The following RABGAP1L variants were observed in gnomAD, a reference collection of about 807,000 sequenced individuals.
RABGAP1L encodes the protein RAB GTPase activating protein 1 like.
Under a neutral mutation model 137.7 loss-of-function variants are expected in RABGAP1L, and 63 were observed. The observed-to-expected ratio is 0.46, with a 90% confidence interval of 0.37 to 0.56. The LOEUF (loss-of-function observed/expected upper bound fraction) is 0.56. Among genes scored for constraint, RABGAP1L ranks in the 20% least tolerant of loss-of-function variants. RABGAP1L has a pLI of 0.00. For missense variants in RABGAP1L, 1,095 were observed against 1,244.0 expected (o/e 0.88, Z 1.80); for synonymous variants, 431 against 433.7 (o/e 0.99, Z 0.08).
chr1:174,165,082 C>T (rs1249048438), intron 1 of RABGAP1L, among the ~76,000 whole-genome samples: 2 of 152,112 alleles, frequency 1.3e-5, no homozygotes, highest in African/African-American at 4.8e-5. Flanking sequence ...TAATGAAAGG[C>T]AGAAAGTAAT....
intron 13 of RABGAP1L, among the ~76,000 whole-genome samples, chr1:174,400,077 G>T (rs1441198167): frequency 6.6e-6 from 1 of 152,148 alleles, no homozygotes. Context: ...TCTTTCAGGG[G>T]TGGCAAATAT....
intron 13 of RABGAP1L, among the ~76,000 whole-genome samples, chr1:174,520,030 G>A (rs1482041774): frequency 6.6e-6 from 1 of 152,162 alleles, no homozygotes; most frequent in Non-Finnish European, 1.5e-5. Flanking sequence ...TGGCACCAGC[G>A]AAGTATGAAC....
chr1:174,476,511 A>G (rs1428117429), intron 13 of RABGAP1L, among the ~76,000 whole-genome samples: 2 of 152,216 alleles, frequency 1.3e-5, no homozygotes, highest in Non-Finnish European at 2.9e-5. Context: ...TTATTCAGCC[A>G]CTATATGTAA....
At chr1:174,850,577 GTTA>G (rs1446062913) in intron 19 of RABGAP1L, among the ~76,000 whole-genome samples, 1 of 152,122 alleles carries the variant, frequency 6.6e-6, no homozygotes, top group Non-Finnish European at 1.5e-5. Flanking sequence ...TTTGGCTTTT[GTTA>G]TTATGTTTAC....
chr1:174,383,667 C>A (rs951384485), intron 12 of RABGAP1L, among the ~76,000 whole-genome samples: 8 of 152,244 alleles, frequency 5.3e-5, no homozygotes, highest in Admixed American at 4.6e-4. Context: ...GTGCGCGCAC[C>A]CACTGGCCTG....
Position 174,621,151 on chromosome 1 carries a change from A to G in RABGAP1L, c.1711-16224A>G, listed in dbSNP as rs541040121. On this transcript the variant is annotated intron_variant, in intron 13 of 25. Coordinates refer to ENST00000681986, the MANE Select transcript of RABGAP1L (RefSeq NM_001366446.1). ...CCTAGGAATCCAACTTACAAGGGAC[A>G]TGAAGGACCTCTTCAAGGAGAACTA... Among the ~76,000 whole-genome samples the G allele has an allele frequency of 5.0e-4, 76 of 152,206 alleles. 1 individual carries two copies. The highest frequency in any genetic ancestry group is 1.7e-3 in the African/African-American group (69 of 41,552).
chr1:174,900,873 A>G (rs1178457456), intron 19 of RABGAP1L, among the ~76,000 whole-genome samples: 5 of 151,848 alleles, frequency 3.3e-5, no homozygotes, highest in Non-Finnish European at 7.3e-5. Context: ...CCTGGATGAT[A>G]TCCTGAAGGA....
chr1:174,189,619 A>G (rs571675043), intron 1 of RABGAP1L, among the ~76,000 whole-genome samples: 79 of 152,316 alleles, frequency 5.2e-4, no homozygotes, highest in South Asian at 5.2e-3. Context: ...GAATTCATTC[A>G]TGGATTAATG....
intron 19 of RABGAP1L, among the ~76,000 whole-genome samples, chr1:174,876,010 T>G (rs1321864478): frequency 6.6e-6 from 1 of 152,234 alleles, no homozygotes; most frequent in East Asian, 1.9e-4. Context: ...TGCTTTTCCC[T>G]CCTTCCTTGT....
chr1:174,948,383 A>G (rs745683954), intron 19 of RABGAP1L, among the ~76,000 whole-genome samples: 61 of 151,674 alleles, frequency 4.0e-4, no homozygotes, highest in Admixed American at 3.2e-3. Context: ...TTAGCCAGGT[A>G]TGGTGGCGGG....
intron 13 of RABGAP1L, among the ~76,000 whole-genome samples, chr1:174,525,129 C>A (rs1237577496): frequency 1.3e-5 from 2 of 152,006 alleles, no homozygotes; most frequent in Non-Finnish European, 2.9e-5. Flanking sequence ...CATCCTGGCT[C>A]TTTTTTGGTT....
chr1:174,448,875 CTG>C lies in RABGAP1L; in HGVS notation c.1710+54731_1710+54732del, dbSNP rs1392984742. The stretch of plus-strand genomic sequence containing the variant: ...CATGAGGTAGATTCTTCCAGAGAGA[CTG>C]GACACAGCCCTGACCGTCGCTACGC... On this transcript the variant is annotated intron_variant, in intron 13 of 25. Coordinates refer to ENST00000681986, the MANE Select transcript of RABGAP1L (RefSeq NM_001366446.1). The surrounding 1 kb of genome is among the most constrained non-coding windows in gnomAD (Gnocchi z 4.2). 6.2e-7 allele frequency: 1 copy of C among 1,613,792 alleles called. No homozygotes were observed. Among genetic ancestry groups the C allele is most frequent in the Non-Finnish European group, 8.5e-7 (1 of 1,179,684 alleles).
At chr1:174,489,636 C>G (rs1286036420) in intron 13 of RABGAP1L, among the ~76,000 whole-genome samples, 1 of 152,104 alleles carries the variant, frequency 6.6e-6, no homozygotes, top group African/African-American at 2.4e-5. Flanking sequence ...CCTCAAGGAT[C>G]TAGAACTAGA....
At chr1:174,874,554 T>C in intron 19 of RABGAP1L, 3 of 748,750 alleles carry the variant, frequency 4.0e-6, no homozygotes, top group Non-Finnish European at 4.9e-6. Flanking sequence ...GCCCTTGATC[T>C]CAGGTAATTC....
At chr1:174,852,346 A>G (rs937175813) in intron 19 of RABGAP1L, among the ~76,000 whole-genome samples, 16 of 152,228 alleles carry the variant, frequency 1.1e-4, no homozygotes, top group Non-Finnish European at 2.4e-4. Context: ...ATCAAGTGCA[A>G]TAAGACTGTG....
chr1:174,799,929 C>A lies in RABGAP1L; in HGVS notation c.2212-11903C>A, dbSNP rs1328064586. ...ATAGACACGCACACACACCCTTTCT[C>A]GCACACACACACACACACACACACA... On this transcript the variant is annotated intron_variant, in intron 18 of 25. Coordinates refer to ENST00000681986, the MANE Select transcript of RABGAP1L (RefSeq NM_001366446.1). The A allele has an allele frequency of 4.4e-6, 4 of 907,032 alleles. No individual in the cohort carries two copies. In the African/African-American group the frequency reaches 1.1e-4, roughly 25 times the overall value. The allele number at this position is 907,032 out of a possible 1,614,324, so 56.2% of individuals were successfully genotyped here. A position where few individuals can be genotyped will look rare whatever the true frequency, so the allele number is the denominator to read the frequency against.
At chr1:174,769,563 T>C (rs1478947293) in intron 18 of RABGAP1L, among the ~76,000 whole-genome samples, 1 of 152,100 alleles carries the variant, frequency 6.6e-6, no homozygotes, top group African/African-American at 2.4e-5. Context: ...ACAAGGTCGG[T>C]TGAGTTTTGG....
intron 17 of RABGAP1L, among the ~76,000 whole-genome samples, chr1:174,737,504 A>G (rs1219727306): frequency 2.0e-5 from 3 of 152,118 alleles, no homozygotes; most frequent in Non-Finnish European, 2.9e-5. Context: ...CAAGTCTCTA[A>G]GAAGTTCCAA....
At chr1:174,730,928 C>T (rs1682412542) in intron 17 of RABGAP1L, among the ~76,000 whole-genome samples, 1 of 152,030 alleles carries the variant, frequency 6.6e-6, no homozygotes, top group Admixed American at 6.6e-5. Context: ...GACAATACTA[C>T]CCTTTCTTCC....
Sources: allele counts gnomAD v4.1 joint callset (sites outside exome capture counted in the v4.1 genomes callset), GRCh38; gene constraint gnomAD v4.1.1; non-coding constraint Gnocchi (gnomAD v3.1); transcripts MANE v1.5; gene names NCBI Gene and HGNC (gene_info 2026-07-23, HGNC 2026-07-21).